Variants in TMEM106B observed in about 807,000 individuals in gnomAD.
TMEM106B encodes the protein transmembrane protein 106B.
A neutral mutation model predicts 31.1 loss-of-function variants in TMEM106B; 15 were observed. The ratio of observed to expected loss-of-function variants is 0.48; its 90% confidence interval spans 0.32 to 0.74. The LOEUF is 0.74. TMEM106B is among the 30% of genes least tolerant of loss of function. The pLI is 0.03. For synonymous variants in TMEM106B, 126 were observed against 112.5 expected (o/e 1.12, Z -0.76); for missense variants, 283 against 327.3 (o/e 0.86, Z 1.04).
At position 12,243,281 on chromosome 7, in the gene TMEM106B, A is replaced by G. The variant is rs139573475; in HGVS notation, c.*11306A>G. On this transcript the variant is annotated 3_prime_UTR_variant, in exon 8 of 8. Transcript: ENST00000396668. The stretch of plus-strand genomic sequence containing the variant: ...AGAAGATTGTATGAACGATCACATT[A>G]ATTCATTTAAATAGTATGTATTTTG... The G allele has an allele frequency of 4.6e-5, 7 of 152,228 alleles. No individual in the cohort carries two copies. Among genetic ancestry groups the G allele is most frequent in the African/African-American group, 1.7e-4 (7 of 41,570 alleles). The allele number at this position is 152,228 out of a possible 1,614,324, so 9.4% of individuals were successfully genotyped here.
At position 12,233,220 on chromosome 7, in the gene TMEM106B, T is replaced by C. The variant is rs1254268489; in HGVS notation, c.*1245T>C. On this transcript the variant is annotated 3_prime_UTR_variant, in exon 8 of 8. Transcript: ENST00000396668. ...TATTCAACTTTGCTGTTTTATATTT[T>C]CAGTATCATTTTTCATTTTTTTTTT... The C allele has an allele frequency of 2.0e-5, 3 of 146,680 alleles. No individual in the cohort carries two copies. 9.1% of individuals were successfully genotyped at this position (146,680 alleles called of 1,614,324 possible). A position where few individuals can be genotyped will look rare whatever the true frequency, so the allele number is the denominator to read the frequency against.
chr7:12,225,780 C>A (rs1781888696), intron 4 of TMEM106B, among the ~76,000 whole-genome samples: 1 of 152,062 alleles, frequency 6.6e-6, no homozygotes, highest in African/African-American at 2.4e-5. Flanking sequence ...GGGTAGATAG[C>A]AAAAATTTTC....
intron 1 of TMEM106B, 73 bp from the exon 2 acceptor site, chr7:12,214,731 TTAGTG>T: frequency 8.7e-7 from 1 of 1,148,424 alleles, no homozygotes; most frequent in Non-Finnish European, 1.2e-6. Context: ...TCTAAATTAA[TTAGTG>T]TAAATATCTC....
At chr7:12,218,628 T>C (rs1781732411) in intron 3 of TMEM106B, 107 bp downstream of exon 3, 1 of 849,430 alleles carries the variant, frequency 1.2e-6, no homozygotes, top group Non-Finnish European at 1.8e-6. Context: ...GAAAAAATGC[T>C]GTCACGTAGT....
At position 12,224,373 on chromosome 7, in the gene TMEM106B, T is replaced by C; in HGVS notation, c.429T>C (p.Tyr143=). The part of the protein sequence containing the change: ...VSYDVQKRTI[Y]LNITNTLNIT... ...ATGATGTTCAGAAGCGTACAATTTA[T>C]TTAAATATCACAGTGAGTATAAATT... The change falls in exon 4 of 8, where the codon TAT becomes TAC. Residue 143 remains tyrosine (Y), a synonymous_variant. Coordinates refer to ENST00000396668, the MANE Select transcript of TMEM106B (RefSeq NM_001134232.2). 6.2e-7 allele frequency: 1 copy of C among 1,608,330 alleles called. No homozygotes were observed. The highest frequency in any genetic ancestry group is 8.5e-7 in the Non-Finnish European group (1 of 1,175,546).
chr7:12,230,070 G>T (rs534068184), intron 5 of TMEM106B, among the ~76,000 whole-genome samples: 1 of 151,850 alleles, frequency 6.6e-6, no homozygotes, highest in African/African-American at 2.4e-5. Flanking sequence ...ATACAAAAAT[G>T]TGCTGAGTGT....
chr7:12,229,969 C>CA (rs752476794), intron 5 of TMEM106B, 150 bp downstream of exon 5: 38 of 877,706 alleles, frequency 4.3e-5, no homozygotes, highest in Non-Finnish European at 6.1e-5. Context: ...GTGATCCCCG[C>CA]ACCTTGGGAG....
chr7:12,236,804 G>C lies in TMEM106B; in HGVS notation c.*4829G>C, dbSNP rs1157130879. The C allele has an allele frequency of 1.3e-5, 2 of 151,896 alleles. No homozygotes were observed. Among genetic ancestry groups the C allele is most frequent in the East Asian group, 3.8e-4 (2 of 5,198 alleles). The allele number at this position is 151,896 out of a possible 1,614,324, so 9.4% of individuals were successfully genotyped here. A position where few individuals can be genotyped will look rare whatever the true frequency, so the allele number is the denominator to read the frequency against. ...AGATTTTTATTATATAATGGTTTTA[G>C]GCATAAATTATTAACAAGCCATGCC... On this transcript the variant is annotated 3_prime_UTR_variant, in exon 8 of 8. Coordinates refer to ENST00000396668, the MANE Select transcript of TMEM106B (RefSeq NM_001134232.2).
rs960301878 is a variant in TMEM106B, at chr7:12,236,053, A to G, written c.*4078A>G. On this transcript the variant is annotated 3_prime_UTR_variant, in exon 8 of 8. Coordinates refer to ENST00000396668, the MANE Select transcript of TMEM106B (RefSeq NM_001134232.2). ...TGGTGGAGTAAAAAGACTGTTAAAC[A>G]TTTCTTTTAAAAAATTATTTTTACA... The G allele has an allele frequency of 1.3e-5, 2 of 151,924 alleles. No individual in the cohort carries two copies. The highest frequency in any genetic ancestry group is 2.4e-5 in the African/African-American group (1 of 41,400). 9.4% of individuals were successfully genotyped at this position (151,924 alleles called of 1,614,324 possible).
In TMEM106B at chr7:12,218,590, G is replaced by A. The variant is rs1001923211; in HGVS notation, c.281+69G>A. On this transcript the variant is annotated intron_variant, in intron 3 of 7. Transcript: ENST00000396668. ...TGTTTTTTGTATTTTTTCAAATTATGTATAATAACTAGTTAAAACTATTAA... is the reference window on the plus strand; with the variant it reads ...TGTTTTTTGTATTTTTTCAAATTATATATAATAACTAGTTAAAACTATTAA... 9 of 1,291,876 alleles carry A rather than the reference G, an allele frequency of 7.0e-6. No individual in the cohort carries two copies. In the African/African-American group the frequency reaches 1.4e-4, roughly 20 times the overall value. The allele number at this position is 1,291,876 out of a possible 1,614,324, so 80.0% of individuals were successfully genotyped here.
At chr7:12,228,354 T>TA (rs1219745140) in intron 4 of TMEM106B, among the ~76,000 whole-genome samples, 1 of 151,916 alleles carries the variant, frequency 6.6e-6, no homozygotes, top group Non-Finnish European at 1.5e-5. Context: ...TTCAGCTTTA[T>TA]AAAAATCAGT....
chr7:12,237,702 GGCTCACAC>G lies in TMEM106B; in HGVS notation c.*5728_*5735del, dbSNP rs1782165069. Reference sequence around the variant, plus strand: ...TAATAAAAAATAGGCTGTGTGCAGTGGCTCACACCTGTAATCCCAGCACTTTCGGAGGC... The same window carrying G: ...TAATAAAAAATAGGCTGTGTGCAGTGCTGTAATCCCAGCACTTTCGGAGGC... On this transcript the variant is annotated 3_prime_UTR_variant, in exon 8 of 8. Transcript: ENST00000396668. The G allele has an allele frequency of 6.6e-6, 1 of 151,950 alleles. No individual in the cohort carries two copies. Among genetic ancestry groups the G allele is most frequent in the Admixed American group, 6.6e-5 (1 of 15,232 alleles). 9.4% of individuals were successfully genotyped at this position (151,950 alleles called of 1,614,324 possible). A position where few individuals can be genotyped will look rare whatever the true frequency, so the allele number is the denominator to read the frequency against.
Position 12,227,333 on chromosome 7 carries a change from T to C in TMEM106B, c.442-2346T>C, listed in dbSNP as rs541437748. Reference sequence around the variant, plus strand: ...TTCTACTTATGAAAATATTTGTCATTATAAGACATTTGAGAACTATAATGT... The same window carrying C: ...TTCTACTTATGAAAATATTTGTCATCATAAGACATTTGAGAACTATAATGT... On this transcript the variant is annotated intron_variant, in intron 4 of 7. Coordinates refer to ENST00000396668, the MANE Select transcript of TMEM106B (RefSeq NM_001134232.2). 6.6e-5 allele frequency among the ~76,000 whole-genome samples: 10 copies of C among 152,182 alleles called. No homozygotes were observed. The East Asian group carries it at 1.3e-3, about 21-fold the overall frequency.
chr7:12,217,919 TAACA>T (rs1781718377), intron 2 of TMEM106B, among the ~76,000 whole-genome samples: 2 of 152,132 alleles, frequency 1.3e-5, no homozygotes, highest in African/African-American at 2.4e-5. Flanking sequence ...GAAGTGACTT[TAACA>T]TGGATTGGGG....
chr7:12,229,373 T>C (rs912317166), intron 4 of TMEM106B, among the ~76,000 whole-genome samples: 5 of 152,220 alleles, frequency 3.3e-5, no homozygotes, highest in African/African-American at 9.6e-5. Flanking sequence ...TTTTAGGTAC[T>C]GTTGAACATT....
intron 4 of TMEM106B, among the ~76,000 whole-genome samples, chr7:12,228,452 C>T (rs974562508): frequency 5.5e-5 from 6 of 108,972 alleles, no homozygotes; most frequent in Non-Finnish European, 1.1e-4. Flanking sequence ...TCCTAATTAT[C>T]TGACTTAATT....
chr7:12,219,207 A>T (rs560251340), intron 3 of TMEM106B, among the ~76,000 whole-genome samples: 1 of 152,172 alleles, frequency 6.6e-6, no homozygotes, highest in South Asian at 2.1e-4. Context: ...GTAGAATCCA[A>T]TGTTTACAGG....
At chr7:12,231,391 T>A in intron 7 of TMEM106B, 1 of 330,858 alleles carries the variant, frequency 3.0e-6, no homozygotes. Context: ...CACATCCAAT[T>A]CCTTACTCCC....
At chr7:12,221,125 CA>C (rs1241188907) in intron 3 of TMEM106B, among the ~76,000 whole-genome samples, 15 of 132,466 alleles carry the variant, frequency 1.1e-4, no homozygotes, top group Non-Finnish European at 1.6e-4. Context: ...TATCTGTGTA[CA>C]TTTTTTTTAC....
Sources: allele counts gnomAD v4.1 joint callset (sites outside exome capture counted in the v4.1 genomes callset), GRCh38; gene constraint gnomAD v4.1.1; transcripts MANE v1.5; gene names NCBI Gene and HGNC (gene_info 2026-07-23, HGNC 2026-07-21).